PACRG: variants seen among roughly 807,000 people sequenced by gnomAD.
The protein encoded by PACRG is parkin coregulated gene protein.
In PACRG, 29 loss-of-function variants were observed where a neutral mutation model predicts 29.7. The ratio of observed to expected loss-of-function variants is 0.98; its 90% CI spans 0.73 to 1.33. The LOEUF is 1.33. Ranked by LOEUF, PACRG falls within the 40% of genes most tolerant of loss-of-function variation. The pLI is 0.00. For missense variants in PACRG, 279 were observed against 316.2 expected (o/e 0.88, Z 0.89); for synonymous variants, 116 against 118.7 (o/e 0.98, Z 0.15).
intron 1 of PACRG, among the ~76,000 whole-genome samples, chr6:162,761,715 G>C (rs569556629): frequency 6.6e-6 from 1 of 152,122 alleles, no homozygotes; most frequent in Admixed American, 6.5e-5. Flanking sequence ...GAGGCAGGCA[G>C]ATCACGAGGT....
At chr6:163,174,304 G>GGGCC (rs1779238676) in intron 4 of PACRG, among the ~76,000 whole-genome samples, 1 of 152,206 alleles carries the variant, frequency 6.6e-6, no homozygotes, top group Admixed American at 6.5e-5. Flanking sequence ...ATCCTGGGCT[G>GGGCC]TATGCAGCCC....
chr6:163,255,135 C>A (rs1783057479), intron 4 of PACRG, among the ~76,000 whole-genome samples: 1 of 152,182 alleles, frequency 6.6e-6, no homozygotes, highest in Non-Finnish European at 1.5e-5. Context: ...GCTAGAATAG[C>A]ACCTCTCCCT....
intron 2 of PACRG, among the ~76,000 whole-genome samples, chr6:162,849,929 TAAG>T (rs1178292344): frequency 2.6e-5 from 4 of 152,202 alleles, no homozygotes; most frequent in African/African-American, 4.8e-5. Flanking sequence ...ACTTCATTAA[TAAG>T]AAGTTTGTAG....
chr6:162,905,688 TTTA>T (rs1196228935), intron 2 of PACRG, among the ~76,000 whole-genome samples: 7 of 152,162 alleles, frequency 4.6e-5, no homozygotes, highest in Non-Finnish European at 8.8e-5. Flanking sequence ...TCCCTTTAAT[TTTA>T]TTTATATAGC....
chr6:162,877,848 A>G (rs2128006837), intron 2 of PACRG, among the ~76,000 whole-genome samples: 1 of 152,302 alleles, frequency 6.6e-6, no homozygotes, highest in Admixed American at 6.5e-5. Context: ...TCCATTAAAA[A>G]AGTAGATTCA....
intron 1 of PACRG, among the ~76,000 whole-genome samples, chr6:162,732,943 C>T (rs1362247779): frequency 4.6e-5 from 7 of 152,230 alleles, no homozygotes; most frequent in African/African-American, 1.4e-4. Flanking sequence ...TTCTCATTTG[C>T]TTCAGTCAAT....
At chr6:163,109,296 C>T (rs1330615601) in intron 4 of PACRG, among the ~76,000 whole-genome samples, 1 of 152,202 alleles carries the variant, frequency 6.6e-6, no homozygotes, top group East Asian at 1.9e-4. Flanking sequence ...ACTGTGTACC[C>T]ACCCCACTGT....
rs913810126 is a variant in PACRG at position 162,952,732 on chromosome 6, G to C, written c.292-109418G>C. 3.3e-4 allele frequency among the ~76,000 whole-genome samples: 51 copies of C among 152,318 alleles called. 1 individual carries two copies. The highest frequency in any genetic ancestry group is 3.3e-3 in the Admixed American group (51 of 15,304). ...CAGTTACACGAAAGGGCCATGGGAAGTAGCATGCATCATCCTTAGTCTGGG... is the reference window on the plus strand; with the variant it reads ...CAGTTACACGAAAGGGCCATGGGAACTAGCATGCATCATCCTTAGTCTGGG... On this transcript the variant is annotated intron_variant, in intron 2 of 4. Transcript: ENST00000366888.
chr6:163,122,647 G>A (rs530022986), intron 4 of PACRG, among the ~76,000 whole-genome samples: 23 of 152,294 alleles, frequency 1.5e-4, no homozygotes, highest in South Asian at 6.2e-4. Flanking sequence ...AGACACTGGT[G>A]CCACGCTTCC....
intron 2 of PACRG, among the ~76,000 whole-genome samples, chr6:163,048,235 C>T (rs1018512606): frequency 6.6e-6 from 1 of 152,100 alleles, no homozygotes; most frequent in Non-Finnish European, 1.5e-5. Flanking sequence ...AAAATAATAA[C>T]TTTCTTCTTA....
At chr6:163,125,228 T>C (rs1375401026) in intron 4 of PACRG, among the ~76,000 whole-genome samples, 2 of 152,226 alleles carry the variant, frequency 1.3e-5, no homozygotes, top group African/African-American at 4.8e-5. Flanking sequence ...GAGGTATGTC[T>C]CATAGCAGTC....
At chr6:162,811,365 A>C (rs1377053570) in intron 1 of PACRG, among the ~76,000 whole-genome samples, 1 of 152,168 alleles carries the variant, frequency 6.6e-6, no homozygotes, top group East Asian at 1.9e-4. Context: ...GCAATTCTAC[A>C]CTTGTAAGTT....
chr6:163,033,170 T>C (rs1328125745), intron 2 of PACRG, among the ~76,000 whole-genome samples: 1 of 152,234 alleles, frequency 6.6e-6, no homozygotes, highest in Non-Finnish European at 1.5e-5. Context: ...AACTGTGTCT[T>C]CACTAGTCTC....
At chr6:162,960,704 G>A (rs1800538471) in intron 2 of PACRG, among the ~76,000 whole-genome samples, 1 of 152,100 alleles carries the variant, frequency 6.6e-6, no homozygotes, top group East Asian at 1.9e-4. Context: ...ATCTGCACAT[G>A]TACCCCCTAT....
intron 2 of PACRG, among the ~76,000 whole-genome samples, chr6:163,060,288 A>G (rs1810986174): frequency 6.6e-6 from 1 of 152,138 alleles, no homozygotes; most frequent in Non-Finnish European, 1.5e-5. Context: ...ACATACCAAA[A>G]ATGTTTTAAA....
At chr6:162,787,572 GTGTGTGTGTGTATATA>G (rs1351807830) in intron 1 of PACRG, among the ~76,000 whole-genome samples, 2 of 58,508 alleles carry the variant, frequency 3.4e-5, no homozygotes, top group African/African-American at 7.2e-5. Flanking sequence ...GTGTGTGTGT[GTGTGTGTGTGTATATA>G]TATATATATA....
chr6:163,092,788 C>T (rs1814229892), intron 4 of PACRG, among the ~76,000 whole-genome samples: 1 of 152,168 alleles, frequency 6.6e-6, no homozygotes, highest in Middle Eastern at 3.2e-3. Flanking sequence ...GATTACACAA[C>T]ATTATATACA....
intron 2 of PACRG, among the ~76,000 whole-genome samples, chr6:162,964,765 GA>G (rs1800894030): frequency 6.6e-6 from 1 of 152,220 alleles, no homozygotes; most frequent in Admixed American, 6.5e-5. Context: ...GGAAAATCCT[GA>G]GCTAAGATTA....
At chr6:163,182,728 T>A (rs1203043263) in intron 4 of PACRG, 1 of 152,268 alleles carries the variant, frequency 6.6e-6, no homozygotes, top group Admixed American at 6.5e-5. Context: ...AGAACTAATC[T>A]TAAGTTGCAA....
Sources: allele counts gnomAD v4.1 joint callset (sites outside exome capture counted in the v4.1 genomes callset), GRCh38; gene constraint gnomAD v4.1.1; transcripts MANE v1.5; gene names NCBI Gene and HGNC (gene_info 2026-07-23, HGNC 2026-07-21).